KCNIP4: variants seen among roughly 807,000 people sequenced by gnomAD.
KCNIP4 encodes the protein Kv channel-interacting protein 4.
A neutral mutation model predicts 34.0 loss-of-function variants in KCNIP4; 12 were observed. The ratio of observed to expected loss-of-function variants is 0.35; its 90% CI spans 0.23 to 0.57. The LOEUF is 0.57. Among genes scored for constraint, KCNIP4 ranks in the 20% least tolerant of loss-of-function variants. KCNIP4 has a pLI of 0.83. For synonymous variants in KCNIP4, 124 were observed against 102.2 expected (o/e 1.21, Z -1.29); for missense variants, 238 against 311.7 (o/e 0.76, Z 1.78).
chr4:21,663,387 T>C (rs1462507766), intron 1 of KCNIP4, among the ~76,000 whole-genome samples: 1 of 152,186 alleles, frequency 6.6e-6, no homozygotes, highest in Non-Finnish European at 1.5e-5. Flanking sequence ...CAAGGGTAGC[T>C]TGGAGGTGCC....
intron 1 of KCNIP4, among the ~76,000 whole-genome samples, chr4:21,509,749 G>A (rs147519687): frequency 1.8e-4 from 27 of 152,226 alleles, no homozygotes; most frequent in African/African-American, 5.3e-4. Flanking sequence ...AGACTCACCT[G>A]ATCTTCTGGC....
intron 2 of KCNIP4, among the ~76,000 whole-genome samples, chr4:20,863,604 C>G (rs1477455662): frequency 6.6e-6 from 1 of 152,124 alleles, no homozygotes; most frequent in Non-Finnish European, 1.5e-5. Flanking sequence ...GTTTCAGAGT[C>G]AAACCATACA....
At chr4:21,493,219 C>G (rs1732557207) in intron 1 of KCNIP4, among the ~76,000 whole-genome samples, 2 of 152,102 alleles carry the variant, frequency 1.3e-5, no homozygotes, top group South Asian at 4.2e-4. Context: ...GCTCGTGCAC[C>G]TGTTGTCAAT....
intron 1 of KCNIP4, among the ~76,000 whole-genome samples, chr4:21,573,209 A>C (rs1740488593): frequency 6.6e-6 from 1 of 152,118 alleles, no homozygotes. Flanking sequence ...GACCTTAGTG[A>C]GTATCTCCAA....
intron 1 of KCNIP4, among the ~76,000 whole-genome samples, chr4:21,578,332 CAAAAAAAAAA>C (rs71191522): frequency 4.0e-5 from 3 of 75,128 alleles, no homozygotes; most frequent in African/African-American, 1.1e-4. Flanking sequence ...GACTCCGTCT[CAAAAAAAAAA>C]AAAAAAAAAA....
chr4:21,903,078 C>G (rs1291784005), intron 1 of KCNIP4, among the ~76,000 whole-genome samples: 1 of 152,126 alleles, frequency 6.6e-6, no homozygotes, highest in Non-Finnish European at 1.5e-5. Flanking sequence ...TCATTTACAT[C>G]CTACTTTATC....
At chr4:20,777,943 CTTGGTGGGAAGCTACAT>C (rs1756517961) in intron 3 of KCNIP4, among the ~76,000 whole-genome samples, 1 of 152,238 alleles carries the variant, frequency 6.6e-6, no homozygotes, top group Non-Finnish European at 1.5e-5. Flanking sequence ...AATGCACAGC[CTTGGTGGGAAGCTACAT>C]TTAAAAAACA....
intron 1 of KCNIP4, among the ~76,000 whole-genome samples, chr4:20,925,455 C>G (rs572000309): frequency 2.0e-4 from 30 of 152,104 alleles, no homozygotes; most frequent in Non-Finnish European, 3.7e-4. Context: ...AATGCCATGA[C>G]GACATCAGGA....
At position 21,399,588 on chromosome 4, in the gene KCNIP4, T is replaced by TG. The variant is rs200195231; in HGVS notation, c.62-516880_62-516879insC. Among the ~76,000 whole-genome samples the TG allele has an allele frequency of 8.4e-3, 1,286 of 152,276 alleles. 17 individuals are homozygous for TG. Among genetic ancestry groups the TG allele is most frequent in the African/African-American group, 0.03 (1,236 of 41,548 alleles). ...TGAACTGGCTTTTAAGTCACTCAAGTACTAACTGGGCTTGCCAGATAAAAT... is the reference window on the plus strand; with the variant it reads ...TGAACTGGCTTTTAAGTCACTCAAGTGACTAACTGGGCTTGCCAGATAAAAT... On this transcript the variant is annotated intron_variant, in intron 1 of 8. Transcript: ENST00000382152.
At chr4:21,080,351 C>T (rs867036150) in intron 1 of KCNIP4, among the ~76,000 whole-genome samples, 8 of 151,906 alleles carry the variant, frequency 5.3e-5, no homozygotes, top group African/African-American at 1.7e-4. Flanking sequence ...GAAGTGTACG[C>T]TAATATTTTC....
intron 1 of KCNIP4, among the ~76,000 whole-genome samples, chr4:20,922,465 G>T (rs896853987): frequency 6.6e-6 from 1 of 152,108 alleles, no homozygotes; most frequent in African/African-American, 2.4e-5. Flanking sequence ...ATCCTGGTTT[G>T]CCAGCTTGCA....
intron 1 of KCNIP4, among the ~76,000 whole-genome samples, chr4:21,578,360 A>AAAAG (rs1740923172): frequency 7.4e-6 from 1 of 135,168 alleles, no homozygotes; most frequent in African/African-American, 2.9e-5. Context: ...AAAAAAAAAG[A>AAAAG]GTTCATGCTA....
intron 1 of KCNIP4, among the ~76,000 whole-genome samples, chr4:21,179,276 C>T (rs1754668579): frequency 6.6e-6 from 1 of 152,166 alleles, no homozygotes; most frequent in Admixed American, 6.5e-5. Flanking sequence ...TTTAGTGAAA[C>T]CTTGCACTTT....
chr4:20,890,816 T>G lies in KCNIP4; in HGVS notation c.62-8107A>C, dbSNP rs894931821. Among the ~76,000 whole-genome samples the G allele has an allele frequency of 1.1e-4, 16 of 152,170 alleles. 1 individual carries two copies. The highest frequency in any genetic ancestry group is 9.8e-4 in the Admixed American group (15 of 15,272). On this transcript the variant is annotated intron_variant, in intron 1 of 8. Transcript: ENST00000382152. The stretch of plus-strand genomic sequence containing the variant: ...TATTCATTTTTACCAATTGGAAAGG[T>G]TTTATCTTATAATGCCTGACATTAC...
chr4:20,864,966 C>T (rs757925320), intron 2 of KCNIP4, among the ~76,000 whole-genome samples: 4 of 152,032 alleles, frequency 2.6e-5, no homozygotes, highest in Non-Finnish European at 5.9e-5. Flanking sequence ...GAAGCAGATA[C>T]TGATAATGGA....
At chr4:21,518,433 T>C (rs1171415103) in intron 1 of KCNIP4, among the ~76,000 whole-genome samples, 2 of 152,046 alleles carry the variant, frequency 1.3e-5, no homozygotes, top group South Asian at 2.1e-4. Context: ...GAAACACATA[T>C]AGGCTGAACA....
intron 1 of KCNIP4, among the ~76,000 whole-genome samples, chr4:21,071,785 A>G (rs1744952612): frequency 6.6e-6 from 1 of 151,924 alleles, no homozygotes; most frequent in Non-Finnish European, 1.5e-5. Context: ...AATGCTTTCC[A>G]TCGTCCCTCC....
intron 1 of KCNIP4, among the ~76,000 whole-genome samples, chr4:21,394,914 T>C (rs969542195): frequency 3.9e-5 from 6 of 152,200 alleles, no homozygotes; most frequent in African/African-American, 1.4e-4. Context: ...TACATTTCCA[T>C]TTATTGAACA....
intron 1 of KCNIP4, among the ~76,000 whole-genome samples, chr4:21,712,867 A>G (rs1449927818): frequency 6.6e-6 from 1 of 152,186 alleles, no homozygotes; most frequent in African/African-American, 2.4e-5. Flanking sequence ...TTCATTCAGG[A>G]TATAAGATTG....
Sources: allele counts gnomAD v4.1 joint callset (sites outside exome capture counted in the v4.1 genomes callset), GRCh38; gene constraint gnomAD v4.1.1; transcripts MANE v1.5; gene names NCBI Gene and HGNC (gene_info 2026-07-23, HGNC 2026-07-21).